FSTL5: variants seen among roughly 807,000 people sequenced by gnomAD.
FSTL5 encodes the protein follistatin like 5, also known as follistatin-related protein 5.
In FSTL5, 62 loss-of-function variants were observed where a neutral mutation model predicts 89.1. The ratio of observed to expected loss-of-function variants is 0.70; its 90% CI spans 0.57 to 0.86. The LOEUF (loss-of-function observed/expected upper bound fraction) is 0.86. Ranked by LOEUF, FSTL5 falls within the 40% of genes least tolerant of loss-of-function variation. The pLI, the probability that FSTL5 is intolerant of heterozygous loss-of-function variation, is 0.00. For missense variants in FSTL5, 1,057 were observed against 1,001.6 expected, an observed-to-expected ratio of 1.06 and a Z score of -0.75; for synonymous variants, 383 against 346.2, an observed-to-expected ratio of 1.11 and a Z score of -1.18.
intron 13 of FSTL5, among the ~76,000 whole-genome samples, chr4:161,466,398 C>T (rs374927428): frequency 1.4e-4 from 22 of 152,056 alleles, no homozygotes; most frequent in African/African-American, 4.6e-4. Flanking sequence ...ACAGAACTTG[C>T]GGTTTGGTCT....
chr4:161,830,174 T>C (rs1730799241), intron 4 of FSTL5, among the ~76,000 whole-genome samples: 1 of 152,068 alleles, frequency 6.6e-6, no homozygotes, highest in South Asian at 2.1e-4. Context: ...ACTTATGGTA[T>C]ACAAAACAAT....
rs148353944 is a variant in FSTL5 at position 161,676,747 on chromosome 4, GCA to G, written c.728-20255_728-20254del. On this transcript the variant is annotated intron_variant, in intron 6 of 15. Transcript: ENST00000306100. ...TTCACTATTTGGAAAATACATACAC[GCA>G]CACACACACACACACACACACATAC... is the stretch of plus-strand genomic sequence containing the variant. Among the ~76,000 whole-genome samples, 470 of 142,576 alleles carry G rather than the reference GCA, an allele frequency of 3.3e-3. 1 individual carries two copies. Among genetic ancestry groups the G allele is most frequent in the African/African-American group, 7.8e-3 (310 of 39,762 alleles). The allele number at this position is 142,576 out of a possible 152,430, so 93.5% of individuals were successfully genotyped here.
At chr4:161,671,046 C>T (rs1288950429) in intron 6 of FSTL5, among the ~76,000 whole-genome samples, 1 of 152,204 alleles carries the variant, frequency 6.6e-6, no homozygotes, top group Non-Finnish European at 1.5e-5. Context: ...TGGCTATTCT[C>T]AAGGCAGTCC....
At chr4:161,510,313 G>GTAAT in intron 11 of FSTL5, 85 bp downstream of exon 11, 2 of 807,938 alleles carry the variant, frequency 2.5e-6, no homozygotes, top group South Asian at 3.5e-5. Context: ...GAAAAAGAAG[G>GTAAT]TAATTAATGA....
rs905425779 is a variant in FSTL5 at position 161,796,372 on chromosome 4, C to G, written c.410-20298G>C. Among the ~76,000 whole-genome samples, 125 of 142,712 alleles carry G rather than the reference C, an allele frequency of 8.8e-4. 1 individual carries two copies. The highest frequency in any genetic ancestry group is 3.2e-3 in the African/African-American group (122 of 38,194). The allele number at this position is 142,712 out of a possible 152,430, so 93.6% of individuals were successfully genotyped here. A position where few individuals can be genotyped will look rare whatever the true frequency, so the allele number is the denominator to read the frequency against. On this transcript the variant is annotated intron_variant, in intron 4 of 15. Coordinates refer to ENST00000306100, the MANE Select transcript of FSTL5 (RefSeq NM_020116.5). ...AGGAAGCCTTCTCAGTGGTTGACTACAGTTTGAGGTCTAAATGTGAAAGAA... is the reference window on the plus strand; with the variant it reads ...AGGAAGCCTTCTCAGTGGTTGACTAGAGTTTGAGGTCTAAATGTGAAAGAA...
rs183543420 is a variant in FSTL5, at chr4:161,803,143, G to A, written c.410-27069C>T. On this transcript the variant is annotated intron_variant, in intron 4 of 15. Coordinates refer to ENST00000306100, the MANE Select transcript of FSTL5 (RefSeq NM_020116.5). Reference sequence around the variant, plus strand: ...TTAAACTTTTATTCTGTTTCTGTGCGTGATACTAACTCAGTGTGTATCACT... The same window carrying A: ...TTAAACTTTTATTCTGTTTCTGTGCATGATACTAACTCAGTGTGTATCACT... Among the ~76,000 whole-genome samples, 19 of 151,950 alleles carry A rather than the reference G, an allele frequency of 1.3e-4. No individual in the cohort carries two copies. In the East Asian group the frequency reaches 3.3e-3, roughly 26 times the overall value.
At chr4:161,563,085 AG>A (rs1732666266) in intron 8 of FSTL5, among the ~76,000 whole-genome samples, 1 of 151,972 alleles carries the variant, frequency 6.6e-6, no homozygotes. Context: ...CGCATTCAAA[AG>A]TGGCTTTTCA....
intron 3 of FSTL5, among the ~76,000 whole-genome samples, chr4:161,941,633 G>A (rs932980315): frequency 2.2e-4 from 34 of 151,846 alleles, no homozygotes; most frequent in African/African-American, 8.0e-4. Context: ...AAATCTCAGA[G>A]CCCTAAACTA....
intron 3 of FSTL5, among the ~76,000 whole-genome samples, chr4:161,962,989 T>G (rs1735224399): frequency 6.6e-6 from 1 of 152,132 alleles, no homozygotes. Context: ...GGGTCAGAAC[T>G]AACTTTGAAT....
intron 4 of FSTL5, among the ~76,000 whole-genome samples, chr4:161,844,335 G>T (rs1731302355): frequency 6.6e-6 from 1 of 152,110 alleles, no homozygotes; most frequent in Admixed American, 6.5e-5. Flanking sequence ...ATTGTTGATG[G>T]GAATGTAAAT....
chr4:161,922,625 C>T (rs979919332), intron 3 of FSTL5, among the ~76,000 whole-genome samples: 1 of 151,824 alleles, frequency 6.6e-6, no homozygotes, highest in African/African-American at 2.4e-5. Flanking sequence ...GATATTTCTG[C>T]TTCCAGGATC....
At chr4:161,453,801 C>T (rs146610872) in intron 15 of FSTL5, among the ~76,000 whole-genome samples, 287 of 152,072 alleles carry the variant, frequency 1.9e-3, no homozygotes, top group African/African-American at 6.6e-3. Flanking sequence ...GCCATGTTGC[C>T]CAGGCTGGTT....
At chr4:161,581,721 A>C (rs768715305) in intron 8 of FSTL5, among the ~76,000 whole-genome samples, 8 of 152,240 alleles carry the variant, frequency 5.3e-5, no homozygotes, top group Non-Finnish European at 1.0e-4. Flanking sequence ...AAACCAACAA[A>C]CAACAACCAC....
Position 161,934,615 on chromosome 4 carries a change from G to GT in FSTL5, c.161-13964_161-13963insA, listed in dbSNP as rs140327790. Among the ~76,000 whole-genome samples the GT allele has an allele frequency of 5.5e-3, 827 of 151,640 alleles. 3 individuals carry two copies. The highest frequency in any genetic ancestry group is 8.4e-3 in the Non-Finnish European group (569 of 67,792). On this transcript the variant is annotated intron_variant, in intron 3 of 15. Transcript: ENST00000306100. ...GCTGTGTAATTTTAGAATTTTGTGGGGTTTTTTTTCGTTCTTTCTTTTTGC... is the reference window on the plus strand; with the variant it reads ...GCTGTGTAATTTTAGAATTTTGTGGGTGTTTTTTTTCGTTCTTTCTTTTTGC...
At chr4:161,591,031 C>T (rs28825168) in intron 7 of FSTL5, among the ~76,000 whole-genome samples, 43,146 of 152,132 alleles carry the variant, frequency 0.28, 6,652 homozygotes, top group East Asian at 0.55. Context: ...ACCCAAATGT[C>T]TATCAATGGA....
chr4:162,097,824 T>C (rs981452317), intron 2 of FSTL5, among the ~76,000 whole-genome samples: 6 of 151,850 alleles, frequency 4.0e-5, no homozygotes, highest in Non-Finnish European at 8.8e-5. Context: ...GCAAATACTG[T>C]CAAAAATGTG....
At chr4:161,912,066 C>A (rs556335709) in intron 4 of FSTL5, among the ~76,000 whole-genome samples, 1 of 152,090 alleles carries the variant, frequency 6.6e-6, no homozygotes, top group East Asian at 1.9e-4. Flanking sequence ...CAATTTTCAA[C>A]GGCATTTTCT....
intron 6 of FSTL5, among the ~76,000 whole-genome samples, chr4:161,669,521 G>T (rs888206804): frequency 6.6e-6 from 1 of 152,006 alleles, no homozygotes; most frequent in Admixed American, 6.6e-5. Flanking sequence ...CTGACAAAGA[G>T]AAATGACAAT....
intron 1 of FSTL5, among the ~76,000 whole-genome samples, chr4:162,123,819 G>A (rs1285097985): frequency 6.6e-6 from 1 of 151,430 alleles, no homozygotes; most frequent in Non-Finnish European, 1.5e-5. Flanking sequence ...TGAAAAAGAG[G>A]CAACAGGTAA....
Sources: allele counts gnomAD v4.1 joint callset (sites outside exome capture counted in the v4.1 genomes callset), GRCh38; gene constraint gnomAD v4.1.1; transcripts MANE v1.5; gene names NCBI Gene and HGNC (gene_info 2026-07-23, HGNC 2026-07-21).